CDKL1: variants seen among roughly 807,000 people sequenced by gnomAD.
CDKL1 encodes cyclin-dependent kinase-like 1.
In CDKL1, 41 loss-of-function variants were observed where a neutral mutation model predicts 42.0. That is an observed-to-expected ratio of 0.98 (90% confidence interval 0.76 to 1.27). CDKL1 has a LOEUF of 1.27. CDKL1 is among the 50% of genes most tolerant of loss of function. The pLI is 0.00. For missense variants in CDKL1, 394 were observed against 428.4 expected (o/e 0.92, Z 0.71); for synonymous variants, 153 against 158.6 (o/e 0.96, Z 0.26).
At chr14:50,379,134 G>A (rs2034830021) in intron 2 of CDKL1, among the ~76,000 whole-genome samples, 1 of 152,180 alleles carries the variant, frequency 6.6e-6, no homozygotes, top group Non-Finnish European at 1.5e-5. Flanking sequence ...TTACAGGTGT[G>A]AGCCACAGCA....
chr14:50,391,156 T>C (rs1409331844), intron 2 of CDKL1, among the ~76,000 whole-genome samples: 2 of 151,984 alleles, frequency 1.3e-5, no homozygotes, highest in African/African-American at 2.4e-5. Flanking sequence ...TTTAACGTGA[T>C]TTTCTTCCTG....
chr14:50,341,132 A>C lies in CDKL1; in HGVS notation c.555T>G (p.Val185=). The change falls in exon 6 of 10, where the codon GTT becomes GTG. Residue 185 remains valine, a synonymous_variant. Transcript: ENST00000395834. ...CAGCAAAGACACAGCCAATTGCCCA[A>C]ACATCCACCGGGGGGCCGTACTGCG... The part of the protein sequence containing the change: ...GDTQYGPPVD[V]WAIGCVFAEL... The C allele has an allele frequency of 6.2e-7, 1 of 1,614,146 alleles. No homozygotes were observed. The highest frequency in any genetic ancestry group is 8.5e-7 in the Non-Finnish European group (1 of 1,180,012).
At chr14:50,339,135 T>C in intron 6 of CDKL1, 106 bp from the exon 7 acceptor site, 1 of 790,932 alleles carries the variant, frequency 1.3e-6, no homozygotes, top group Non-Finnish European at 2.2e-6. Flanking sequence ...GCATGGACAC[T>C]GCAGTGTTCT....
At position 50,329,881 on chromosome 14, in the gene CDKL1, A is replaced by T; in HGVS notation, c.*193T>A. On this transcript the variant is annotated 3_prime_UTR_variant, in exon 10 of 10. Coordinates refer to ENST00000395834, the MANE Select transcript of CDKL1 (RefSeq NM_004196.7). ...TCCAAACAGGTTTTTTCTTTTCTGG[A>T]CACCATCATCAAGCATGGAAGACTG... 1.6e-6 allele frequency: 1 copy of T among 631,424 alleles called. No homozygotes were observed. The allele number at this position is 631,424 out of a possible 1,614,324, so 39.1% of individuals were successfully genotyped here.
chr14:50,365,262 T>C (rs1220787205), intron 2 of CDKL1, among the ~76,000 whole-genome samples: 1 of 152,188 alleles, frequency 6.6e-6, no homozygotes, highest in African/African-American at 2.4e-5. Flanking sequence ...AGGCTTGTGA[T>C]ATATATTGCC....
At chr14:50,389,812 G>A (rs1595379189) in intron 2 of CDKL1, among the ~76,000 whole-genome samples, 2 of 152,100 alleles carry the variant, frequency 1.3e-5, no homozygotes, top group African/African-American at 4.8e-5. Context: ...AAATTCTGAC[G>A]ACCAGTCATT....
intron 2 of CDKL1, among the ~76,000 whole-genome samples, chr14:50,362,572 C>T (rs2034297563): frequency 6.6e-6 from 1 of 152,104 alleles, no homozygotes; most frequent in Non-Finnish European, 1.5e-5. Context: ...ATTGTAAATA[C>T]ACCAATCAGC....
Position 50,326,337 on chromosome 14 carries a change from A to C in CDKL1, c.*3737T>G. 1.3e-6 allele frequency: 1 copy of C among 771,500 alleles called. No homozygotes were observed. Among genetic ancestry groups the C allele is most frequent in the Non-Finnish European group, 1.6e-6 (1 of 634,930 alleles). The allele number at this position is 771,500 out of a possible 1,614,324, so 47.8% of individuals were successfully genotyped here. Reference sequence around the variant, plus strand: ...TTGATGTAGATATTTAGAATCCTTTAAAGTTATTTGTACAACAGATGTTTT... The same window carrying C: ...TTGATGTAGATATTTAGAATCCTTTCAAGTTATTTGTACAACAGATGTTTT... On this transcript the variant is annotated 3_prime_UTR_variant, in exon 10 of 10. Transcript: ENST00000395834.
Position 50,396,200 on chromosome 14 carries a change from A to C in CDKL1, c.-332T>G, listed in dbSNP as rs2035400464. The C allele has an allele frequency of 1.9e-6, 2 of 1,027,176 alleles. No individual in the cohort carries two copies. Among genetic ancestry groups the C allele is most frequent in the African/African-American group, 1.7e-5 (1 of 57,534 alleles). 63.6% of individuals were successfully genotyped at this position (1,027,176 alleles called of 1,614,324 possible). On this transcript the variant is annotated 5_prime_UTR_variant, in exon 2 of 10. Coordinates refer to ENST00000395834, the MANE Select transcript of CDKL1 (RefSeq NM_004196.7). ...GATTCCGTCTCAAAAAAAAAAAAAA[A>C]AAAAAAAAAAAAAGAAAGAAAGAAA...
At chr14:50,352,977 T>C (rs1338213844) in intron 3 of CDKL1, among the ~76,000 whole-genome samples, 1 of 152,232 alleles carries the variant, frequency 6.6e-6, no homozygotes, top group Non-Finnish European at 1.5e-5. Flanking sequence ...AGTAGGCAAT[T>C]TGACTCTTCA....
chr14:50,330,092 G>T lies in CDKL1; in HGVS notation c.1056C>A (p.Tyr352Ter), dbSNP rs2032852672. The change falls in exon 10 of 10, where the codon TAC becomes TAA. Residue 352 changes from tyrosine to a stop codon, truncating the protein, a stop_gained. Coordinates refer to ENST00000395834, the MANE Select transcript of CDKL1 (RefSeq NM_004196.7). LOFTEE classifies it high-confidence loss of function. ...KYYCDTKKLN[Y>*]RFPNI Reference sequence around the variant, plus strand: ...AGCTCCTTTAAATGTTTGGAAAACGGTAGTTAAGTTTCTTGGTATCACAGT... The same window carrying T: ...AGCTCCTTTAAATGTTTGGAAAACGTTAGTTAAGTTTCTTGGTATCACAGT... 6.2e-7 allele frequency: 1 copy of T among 1,608,292 alleles called. No homozygotes were observed. Among genetic ancestry groups the T allele is most frequent in the African/African-American group, 1.3e-5 (1 of 74,580 alleles).
intron 2 of CDKL1, among the ~76,000 whole-genome samples, chr14:50,385,469 T>A (rs1451986486): frequency 6.6e-6 from 1 of 152,108 alleles, no homozygotes; most frequent in Non-Finnish European, 1.5e-5. Flanking sequence ...AATAAGAGAA[T>A]AAAGAAGGTG....
intron 3 of CDKL1, among the ~76,000 whole-genome samples, chr14:50,350,996 C>T (rs1346444085): frequency 6.6e-6 from 1 of 152,138 alleles, no homozygotes; most frequent in Admixed American, 6.5e-5. Context: ...GACCTCATGG[C>T]ATTCTTCCTG....
intron 3 of CDKL1, among the ~76,000 whole-genome samples, chr14:50,347,892 A>T (rs2033780570): frequency 6.6e-6 from 1 of 152,232 alleles, no homozygotes. Context: ...AGTTGAGAGC[A>T]TCAAGTGAAT....
At chr14:50,394,226 G>A (rs1241133523) in intron 2 of CDKL1, among the ~76,000 whole-genome samples, 3 of 152,232 alleles carry the variant, frequency 2.0e-5, no homozygotes, top group African/African-American at 4.8e-5. Flanking sequence ...GCCTGAGGAA[G>A]TGAAAATGCC....
At chr14:50,362,891 C>T (rs772057163) in intron 2 of CDKL1, 1 of 428,836 alleles carries the variant, frequency 2.3e-6, no homozygotes, top group South Asian at 1.6e-5. Context: ...GCAACCTACC[C>T]TGGGCACCAT....
At chr14:50,397,034 T>TCC, upstream of CDKL1, 1 of 1,266,756 alleles carries the variant, frequency 7.9e-7, no homozygotes, top group Non-Finnish European at 1.0e-6. Flanking sequence ...AGGGCCGCCC[T>TCC]CCGTCCATGG....
intron 2 of CDKL1, among the ~76,000 whole-genome samples, chr14:50,382,267 G>A (rs1218929605): frequency 2.6e-5 from 4 of 151,942 alleles, no homozygotes; most frequent in South Asian, 2.1e-4. Flanking sequence ...CCTGGCTAAC[G>A]CGGTGGAACC....
At chr14:50,344,748 A>G (rs915036117) in intron 4 of CDKL1, among the ~76,000 whole-genome samples, 1 of 152,180 alleles carries the variant, frequency 6.6e-6, no homozygotes, top group African/African-American at 2.4e-5. Context: ...CTGGGATTAC[A>G]TGCAGGAGCC....
Sources: gnomAD v4.1 joint callset for allele counts (sites outside exome capture counted in the v4.1 genomes callset) on GRCh38, gnomAD v4.1.1 for gene constraint, MANE v1.5 for transcripts, NCBI Gene and HGNC (gene_info 2026-07-23, HGNC 2026-07-21) for gene names.